POLA1: variants seen among roughly 807,000 people sequenced by gnomAD.
POLA1 encodes the protein DNA polymerase alpha 1, catalytic subunit, also known as DNA polymerase alpha catalytic subunit.
Under a neutral mutation model 124.0 loss-of-function variants are expected in POLA1, and 15 were observed. The ratio of observed to expected loss-of-function variants is 0.12; its 90% CI spans 0.08 to 0.19. POLA1 has a LOEUF of 0.19. Ranked by LOEUF, POLA1 falls within the 10% of genes least tolerant of loss-of-function variation. POLA1 has a pLI of 1.00. For missense variants in POLA1, 886 were observed against 1,103.4 expected (o/e 0.80, Z 2.79); for synonymous variants, 408 against 389.4 (o/e 1.05, Z -0.56).
intron 36 of POLA1, among the ~76,000 whole-genome samples, chrX:24,931,406 C>G (rs1436509769): frequency 8.9e-6 from 1 of 111,748 alleles, no homozygotes; most frequent in Non-Finnish European, 1.9e-5. Flanking sequence ...GCATAAGAAT[C>G]CCCATGCTGC....
intron 36 of POLA1, among the ~76,000 whole-genome samples, chrX:24,974,835 A>C (rs1002490406): frequency 1.1e-4 from 12 of 112,269 alleles, no homozygotes; most frequent in Non-Finnish European, 1.9e-5. Flanking sequence ...AGAAACCCTA[A>C]TATAGGGCTA....
intron 36 of POLA1, among the ~76,000 whole-genome samples, chrX:24,948,351 GTTT>G (rs5901766): frequency 9.6e-6 from 1 of 104,304 alleles, no homozygotes; most frequent in Non-Finnish European, 2.0e-5. Context: ...GCTACTTTCT[GTTT>G]TTTTTTTTCC....
At position 24,986,674 on chromosome X, in the gene POLA1, G is replaced by C. The variant is rs147309419; in HGVS notation, c.4262-9131G>C. The stretch of plus-strand genomic sequence containing the variant: ...AGGTGAGAGGATTATTGGAGCCCAG[G>C]AGTATGATCATGCCACTGCACTCCA... On this transcript the variant is annotated intron_variant, in intron 36 of 36. Transcript: ENST00000379068. Among the ~76,000 whole-genome samples, 347 of 105,288 alleles carry C rather than the reference G, an allele frequency of 3.3e-3. 1 individual carries two copies. Among genetic ancestry groups the C allele is most frequent in the African/African-American group, 0.011 (314 of 28,433 alleles). 91.4% of individuals were successfully genotyped at this position (105,288 alleles called of 115,157 possible). A position where few individuals can be genotyped will look rare whatever the true frequency, so the allele number is the denominator to read the frequency against.
At chrX:24,872,995 C>G (rs995403676) in intron 34 of POLA1, among the ~76,000 whole-genome samples, 2 of 111,413 alleles carry the variant, frequency 1.8e-5, no homozygotes, top group South Asian at 7.6e-4. Flanking sequence ...TCAACATCCC[C>G]TGCCATAGTA....
intron 35 of POLA1, among the ~76,000 whole-genome samples, chrX:24,894,255 G>A (rs935547149): frequency 4.5e-5 from 5 of 112,187 alleles, no homozygotes; most frequent in Non-Finnish European, 9.4e-5. Context: ...TGTTAAGTCT[G>A]TTCAGAGTTG....
At chrX:24,740,821 G>C (rs999326652) in intron 20 of POLA1, among the ~76,000 whole-genome samples, 1 of 111,535 alleles carries the variant, frequency 9.0e-6, no homozygotes, top group Non-Finnish European at 1.9e-5. Context: ...ATCTTCCACT[G>C]TTTCCTAACA....
At chrX:24,903,983 G>GGAGT (rs752836631) in intron 35 of POLA1, among the ~76,000 whole-genome samples, 1 of 103,492 alleles carries the variant, frequency 9.7e-6, no homozygotes, top group East Asian at 3.0e-4. Flanking sequence ...TCAACCAGGT[G>GGAGT]GAGTGCAGTG....
chrX:24,772,627 G>T, intron 26 of POLA1, among the ~76,000 whole-genome samples: 1 of 110,496 alleles, frequency 9.1e-6, no homozygotes, highest in African/African-American at 3.3e-5. Flanking sequence ...CCACTTATAA[G>T]TGAGAACACA....
At chrX:24,940,647 G>A (rs2047900551) in intron 36 of POLA1, among the ~76,000 whole-genome samples, 1 of 112,056 alleles carries the variant, frequency 8.9e-6, no homozygotes, top group African/African-American at 3.2e-5. Flanking sequence ...CACTAGAAAT[G>A]TATTGAAACA....
intron 16 of POLA1, 107 bp from the exon 17 acceptor site, chrX:24,733,648 G>A: frequency 2.4e-6 from 1 of 409,167 alleles, no homozygotes; most frequent in Admixed American, 4.4e-5. Context: ...CTTTAGGGTT[G>A]GGGGGAATAT....
At chrX:24,809,498 A>G (rs2045862810) in intron 26 of POLA1, among the ~76,000 whole-genome samples, 1 of 111,661 alleles carries the variant, frequency 9.0e-6, no homozygotes, top group African/African-American at 3.3e-5. Flanking sequence ...TTTTAAATGT[A>G]GTGTGCTTTT....
chrX:24,773,229 G>C (rs2045074049), intron 26 of POLA1, among the ~76,000 whole-genome samples: 1 of 112,354 alleles, frequency 8.9e-6, no homozygotes, highest in Non-Finnish European at 1.9e-5. Flanking sequence ...TAGAATCAGG[G>C]ATCTCTTGTT....
rs1472806306 is a variant in POLA1 at position 24,741,429 on chromosome X, C to T, written c.2271C>T (p.Phe757=). 1 of 1,191,163 alleles carries T rather than the reference C, an allele frequency of 8.4e-7. No homozygotes were observed. The highest frequency in any genetic ancestry group is 3.0e-5 in the East Asian group (1 of 33,718). ...AACACACCTGGAAAGATGCCAAGTT[C>T]ATTTTGCAGATCATGTGTGAGCTAA... The part of the protein sequence containing the change: ...LLEHTWKDAK[F]ILQIMCELNV... Residue 757 remains phenylalanine, a synonymous_variant, in exon 21 of 37, where the codon TTC becomes TTT. Transcript: ENST00000379068.
chrX:24,729,646 A>T (rs1930768037), intron 15 of POLA1, among the ~76,000 whole-genome samples: 1 of 111,442 alleles, frequency 9.0e-6, no homozygotes, highest in African/African-American at 3.3e-5. Context: ...GACCTATATT[A>T]CATGCAGTCG....
At chrX:24,908,689 AAAC>A (rs1252711936) in intron 35 of POLA1, among the ~76,000 whole-genome samples, 1 of 111,220 alleles carries the variant, frequency 9.0e-6, no homozygotes, top group Non-Finnish European at 1.9e-5. Flanking sequence ...GTGCCACAAT[AAAC>A]ACACGTGTGC....
At chrX:24,717,026 T>C (rs1929887154) in intron 8 of POLA1, 55 bp downstream of exon 8, 1 of 810,180 alleles carries the variant, frequency 1.2e-6, no homozygotes, top group Admixed American at 2.5e-5. Context: ...CTGTCAAAAA[T>C]GGAGGCCCTA....
At chrX:24,968,535 T>TA (rs2048256021) in intron 36 of POLA1, among the ~76,000 whole-genome samples, 1 of 109,369 alleles carries the variant, frequency 9.1e-6, no homozygotes, top group African/African-American at 3.3e-5. Flanking sequence ...CTGTCTCTAC[T>TA]AAAAATACAA....
At chrX:24,909,403 C>T (rs1300217563) in intron 35 of POLA1, among the ~76,000 whole-genome samples, 1 of 111,798 alleles carries the variant, frequency 8.9e-6, no homozygotes, top group Non-Finnish European at 1.9e-5. Context: ...ATCTTGAATT[C>T]ATTTTTGTAT....
At chrX:24,756,487 C>T (rs759760964) in intron 26 of POLA1, among the ~76,000 whole-genome samples, 6 of 108,624 alleles carry the variant, frequency 5.5e-5, no homozygotes, top group Non-Finnish European at 9.5e-5. Flanking sequence ...TGCTTGAACC[C>T]GGGAGGCAGA....
Sources: gnomAD v4.1 joint callset for allele counts (sites outside exome capture counted in the v4.1 genomes callset) on GRCh38, gnomAD v4.1.1 for gene constraint, MANE v1.5 for transcripts, NCBI Gene and HGNC (gene_info 2026-07-23, HGNC 2026-07-21) for gene names.